CNBD1: variants seen among roughly 807,000 people sequenced by gnomAD.
CNBD1 encodes cyclic nucleotide binding domain containing 1, also known as cyclic nucleotide-binding domain-containing protein 1.
Under a neutral mutation model 54.4 loss-of-function variants are expected in CNBD1, and 71 were observed. The observed-to-expected ratio is 1.30, with a 90% CI of 1.08 to 1.59. CNBD1 has a LOEUF of 1.59. Among genes scored for constraint, CNBD1 ranks in the 40% most tolerant of loss-of-function variants. The pLI is 0.00. For synonymous variants in CNBD1, 182 were observed against 170.7 expected (o/e 1.07, Z -0.51); for missense variants, 659 against 518.0 (o/e 1.27, Z -2.64).
chr8:87,380,387 T>A (rs1021401652), intron 10 of CNBD1, among the ~76,000 whole-genome samples: 2 of 151,946 alleles, frequency 1.3e-5, no homozygotes, highest in Non-Finnish European at 2.9e-5. Flanking sequence ...ATGATTGTCT[T>A]TATGCAATAC....
chr8:87,219,879 C>A (rs748817987), intron 5 of CNBD1, among the ~76,000 whole-genome samples: 25 of 151,826 alleles, frequency 1.6e-4, no homozygotes, highest in Non-Finnish European at 3.5e-4. Flanking sequence ...TATTTTGACT[C>A]ATTAGTATCT....
intron 8 of CNBD1, among the ~76,000 whole-genome samples, chr8:87,321,393 AC>A (rs1300317203): frequency 6.6e-6 from 1 of 152,116 alleles, no homozygotes; most frequent in African/African-American, 2.4e-5. Context: ...CCATCCCAAC[AC>A]CTGTAAGGCA....
At position 86,917,770 on chromosome 8, in the gene CNBD1, A is replaced by G. The variant is rs561546659; in HGVS notation, c.272+12576A>G. ...TGATAGCTTCCTCTCTCCAACTACA[A>G]TCATGTAAGCAATCCAGCCCTCCCC... On this transcript the variant is annotated intron_variant, in intron 3 of 10. Coordinates refer to ENST00000518476, the MANE Select transcript of CNBD1 (RefSeq NM_173538.3). Among the ~76,000 whole-genome samples, 4 of 152,318 alleles carry G rather than the reference A, an allele frequency of 2.6e-5. No individual in the cohort carries two copies. The South Asian group carries it at 8.3e-4, about 32-fold the overall frequency.
intron 2 of CNBD1, among the ~76,000 whole-genome samples, chr8:87,411,941 A>G (rs1218205181): frequency 6.6e-6 from 1 of 151,918 alleles, no homozygotes; most frequent in Non-Finnish European, 1.5e-5. Context: ...TGTACGGGAG[A>G]AGTGTTTGAC....
intron 3 of CNBD1, among the ~76,000 whole-genome samples, chr8:86,932,094 G>C (rs1428651856): frequency 6.6e-6 from 1 of 152,048 alleles, no homozygotes; most frequent in Non-Finnish European, 1.5e-5. Context: ...AAGATACCAG[G>C]TATCTCCAAA....
intron 8 of CNBD1, among the ~76,000 whole-genome samples, chr8:87,309,746 C>A (rs1420709503): frequency 6.6e-6 from 1 of 151,966 alleles, no homozygotes; most frequent in African/African-American, 2.4e-5. Context: ...AGAGTGATAC[C>A]TGTAAGTGAT....
chr8:87,313,212 T>C (rs1228353803), intron 8 of CNBD1, among the ~76,000 whole-genome samples: 1 of 152,048 alleles, frequency 6.6e-6, no homozygotes, highest in Non-Finnish European at 1.5e-5. Flanking sequence ...AATATTTATT[T>C]ATCCATTTGT....
At chr8:87,331,679 G>A (rs1012629047) in intron 8 of CNBD1, among the ~76,000 whole-genome samples, 8 of 152,086 alleles carry the variant, frequency 5.3e-5, no homozygotes, top group Admixed American at 1.3e-4. Flanking sequence ...ATTCCCACCA[G>A]CAATGTAAAA....
At chr8:87,013,843 T>C (rs966281119) in intron 4 of CNBD1, among the ~76,000 whole-genome samples, 2 of 152,022 alleles carry the variant, frequency 1.3e-5, no homozygotes, top group Non-Finnish European at 2.9e-5. Context: ...TTTCTCCTTA[T>C]ACCTTATCAT....
chr8:87,199,202 G>A (rs1813793502), intron 4 of CNBD1, among the ~76,000 whole-genome samples: 1 of 152,102 alleles, frequency 6.6e-6, no homozygotes, highest in Admixed American at 6.5e-5. Context: ...TACATCAATG[G>A]CAATGGTGTC....
At position 87,134,929 on chromosome 8, in the gene CNBD1, A is replaced by G. The variant is rs564080835; in HGVS notation, c.432-71064A>G. 3.1e-4 allele frequency among the ~76,000 whole-genome samples: 47 copies of G among 152,212 alleles called. No individual in the cohort carries two copies. The South Asian group carries it at 9.3e-3, about 30-fold the overall frequency. On this transcript the variant is annotated intron_variant, in intron 4 of 10. Transcript: ENST00000518476. The stretch of plus-strand genomic sequence containing the variant: ...CAGCCAGATTCCAATTTTAATCTTG[A>G]AAACAAACTTAAAAAATTCTGCGCT...
At chr8:86,882,244 C>T (rs1808616026) in intron 1 of CNBD1, among the ~76,000 whole-genome samples, 2 of 152,018 alleles carry the variant, frequency 1.3e-5, no homozygotes, top group Non-Finnish European at 2.9e-5. Context: ...ACACAGCCTA[C>T]AGAATGGGAG....
rs567338947 is a variant in CNBD1, at chr8:87,333,930, T to A, written c.1043-17755T>A. Among the ~76,000 whole-genome samples, 4 of 152,330 alleles carry A rather than the reference T, an allele frequency of 2.6e-5. No homozygotes were observed. In the East Asian group the frequency reaches 7.7e-4, roughly 29 times the overall value. ...CTCCTTTTCAATAGTTTGAAATAGT[T>A]CCTGAAAGAATGGTACCAGCTCCTC... On this transcript the variant is annotated intron_variant, in intron 8 of 10. Coordinates refer to ENST00000518476, the MANE Select transcript of CNBD1 (RefSeq NM_173538.3).
intron 8 of CNBD1, among the ~76,000 whole-genome samples, chr8:87,315,739 G>A (rs945083024): frequency 2.4e-4 from 36 of 151,998 alleles, no homozygotes; most frequent in Admixed American, 8.5e-4. Context: ...ATGTAGGTTG[G>A]TTAATGGTTT....
chr8:87,426,184 C>G (rs544567167), intron 2 of CNBD1, among the ~76,000 whole-genome samples: 67 of 152,306 alleles, frequency 4.4e-4, no homozygotes, highest in Middle Eastern at 6.8e-3. Flanking sequence ...AGCTGGCGCA[C>G]GGTGCGCGCA....
chr8:87,204,163 A>G (rs1452649714), intron 4 of CNBD1, among the ~76,000 whole-genome samples: 2 of 152,158 alleles, frequency 1.3e-5, no homozygotes, highest in Non-Finnish European at 2.9e-5. Context: ...GGAGCATAAT[A>G]TTAGGTATTT....
At chr8:87,079,212 T>A (rs1243417458) in intron 4 of CNBD1, among the ~76,000 whole-genome samples, 5 of 152,172 alleles carry the variant, frequency 3.3e-5, no homozygotes, top group Non-Finnish European at 7.4e-5. Context: ...AATGAATAGT[T>A]TTTTATTGTT....
At chr8:87,304,324 A>T (rs953674085) in intron 8 of CNBD1, among the ~76,000 whole-genome samples, 1 of 152,192 alleles carries the variant, frequency 6.6e-6, no homozygotes, top group African/African-American at 2.4e-5. Flanking sequence ...TGATGAGTTC[A>T]TGTCCTTTGT....
intron 4 of CNBD1, among the ~76,000 whole-genome samples, chr8:86,949,757 T>A (rs1039612985): frequency 2.0e-5 from 3 of 152,026 alleles, no homozygotes; most frequent in Non-Finnish European, 4.4e-5. Context: ...AGTACTGTGT[T>A]AACAGTGGTG....
Sources: gnomAD v4.1 joint callset for allele counts (sites outside exome capture counted in the v4.1 genomes callset) on GRCh38, gnomAD v4.1.1 for gene constraint, MANE v1.5 for transcripts, NCBI Gene and HGNC (gene_info 2026-07-23, HGNC 2026-07-21) for gene names.